Variants in PCDHGA2 observed in about 807,000 individuals in gnomAD.
PCDHGA2 encodes the protein protocadherin gamma-A2.
A neutral mutation model predicts 59.2 loss-of-function variants in PCDHGA2; 40 were observed. The ratio of observed to expected loss-of-function variants is 0.68; its 90% CI spans 0.52 to 0.88. PCDHGA2 has a LOEUF of 0.88. Among genes scored for constraint, PCDHGA2 ranks in the 40% least tolerant of loss-of-function variants. PCDHGA2 has a pLI of 0.00. For missense variants in PCDHGA2, 1,226 were observed against 1,204.0 expected (o/e 1.02, Z -0.27); for synonymous variants, 560 against 526.0 (o/e 1.06, Z -0.89).
At chr5:141,408,579 T>G in intron 1 of PCDHGA2, 1 of 1,614,026 alleles carries the variant, frequency 6.2e-7, no homozygotes, top group Non-Finnish European at 8.5e-7. Flanking sequence ...ATTGAGGATG[T>G]TAATGACCAC....
chr5:141,379,813 T>C (rs1775841720), intron 1 of PCDHGA2, among the ~76,000 whole-genome samples: 1 of 150,950 alleles, frequency 6.6e-6, no homozygotes, highest in South Asian at 2.1e-4. Flanking sequence ...GAGAGTTCAG[T>C]ATAGAATTTT....
chr5:141,356,098 G>A (rs762147149), intron 1 of PCDHGA2: 3 of 1,613,902 alleles, frequency 1.9e-6, no homozygotes, highest in Admixed American at 1.7e-5. Context: ...TCTGAGTGGG[G>A]ATATAACAAT....
chr5:141,432,707 G>T lies in PCDHGA2; in HGVS notation c.2425-62100G>T. The T allele has an allele frequency of 6.2e-7, 1 of 1,613,988 alleles. No homozygotes were observed. The highest frequency in any genetic ancestry group is 1.1e-5 in the South Asian group (1 of 91,080). ...CCTCGTAGTGGCCGTCCAGGACCAC[G>T]GCCAGCCCCCTCTCTCCGCCACTGT... On this transcript the variant is annotated intron_variant, in intron 1 of 3. Transcript: ENST00000394576. The surrounding 1 kb of genome is among the most constrained non-coding windows in gnomAD (Gnocchi z 6.0).
intron 1 of PCDHGA2, chr5:141,389,412 G>T (rs1039259671): frequency 5.6e-6 from 9 of 1,613,470 alleles, no homozygotes; most frequent in Non-Finnish European, 7.6e-6. Flanking sequence ...CGCGGAGAGC[G>T]GGGTGGTGTT....
chr5:141,408,972 C>T, intron 1 of PCDHGA2: 8 of 1,613,870 alleles, frequency 5.0e-6, no homozygotes, highest in Non-Finnish European at 5.9e-6. Flanking sequence ...AATCTGCCCC[C>T]TGGGTCCCCT....
intron 1 of PCDHGA2, chr5:141,395,737 A>T (rs2093305517): frequency 6.5e-6 from 1 of 152,906 alleles, no homozygotes; most frequent in Non-Finnish European, 1.5e-5. Flanking sequence ...TTCACTTTAA[A>T]CCTCTTTTCT....
chr5:141,372,007 G>T, intron 1 of PCDHGA2: 3 of 1,613,298 alleles, frequency 1.9e-6, no homozygotes, highest in Non-Finnish European at 2.5e-6. Flanking sequence ...CGCGACCAGG[G>T]CTCGCCTACG....
In PCDHGA2 at chr5:141,491,283, C is replaced by G; in HGVS notation, c.2425-3524C>G. ...AAATGCCCAAATCCAGTGACTTCCT[C>G]ATACACCCTCCTGAGCGTTCAGACC... On this transcript the variant is annotated intron_variant, in intron 1 of 3. Coordinates refer to ENST00000394576, the MANE Select transcript of PCDHGA2 (RefSeq NM_018915.4). The surrounding 1 kb of genome is among the most constrained non-coding windows in gnomAD (Gnocchi z 6.9). The G allele has an allele frequency of 1.2e-6, 2 of 1,614,164 alleles. No homozygotes were observed.
At chr5:141,474,658 A>G (rs950490550) in intron 1 of PCDHGA2, among the ~76,000 whole-genome samples, 13 of 152,176 alleles carry the variant, frequency 8.5e-5, no homozygotes, top group African/African-American at 3.1e-4. Flanking sequence ...CTTCTTTTCT[A>G]CCTACCTAAC....
chr5:141,394,136 C>G, intron 1 of PCDHGA2: 1 of 1,613,956 alleles, frequency 6.2e-7, no homozygotes, highest in Non-Finnish European at 8.5e-7. Flanking sequence ...TCGCTCTGCA[C>G]GTGGCAGACA....
intron 1 of PCDHGA2, chr5:141,355,719 C>T: frequency 1.2e-6 from 2 of 1,614,028 alleles, no homozygotes; most frequent in Non-Finnish European, 1.7e-6. Context: ...ACCAGCTCAA[C>T]TCAAACGGTT....
At chr5:141,481,718 C>T (rs942120251) in intron 1 of PCDHGA2, among the ~76,000 whole-genome samples, 6 of 152,082 alleles carry the variant, frequency 3.9e-5, no homozygotes, top group East Asian at 1.9e-4. Context: ...CTTTGGGAGG[C>T]GGAGGCGGGC....
At chr5:141,385,465 G>T in intron 1 of PCDHGA2, 1 of 1,441,910 alleles carries the variant, frequency 6.9e-7, no homozygotes, top group Non-Finnish European at 9.1e-7. Flanking sequence ...TCCTTCAGTG[G>T]TGACACTTTA....
chr5:141,476,665 C>T lies in PCDHGA2; in HGVS notation c.2425-18142C>T. On this transcript the variant is annotated intron_variant, in intron 1 of 3. Coordinates refer to ENST00000394576, the MANE Select transcript of PCDHGA2 (RefSeq NM_018915.4). This position sits in a 1 kb window ranked among gnomAD's most constrained non-coding sequence, Gnocchi z 7.6. ...GCCGAAATGAATACTTTGCGCTTCG[C>T]GTGCAGACGCGGGAGGACAGCACCA... 6.2e-7 allele frequency: 1 copy of T among 1,614,240 alleles called. No homozygotes were observed. Among genetic ancestry groups the T allele is most frequent in the East Asian group, 2.2e-5 (1 of 44,882 alleles).
At chr5:141,371,504 AAC>A (rs780003626) in intron 1 of PCDHGA2, 7 of 1,613,916 alleles carry the variant, frequency 4.3e-6, no homozygotes, top group Non-Finnish European at 5.9e-6. Context: ...CCCTGATCAA[AAC>A]ACATGATCTA....
chr5:141,442,697 G>C (rs1443734141), intron 1 of PCDHGA2, among the ~76,000 whole-genome samples: 2 of 152,258 alleles, frequency 1.3e-5, no homozygotes, highest in East Asian at 1.9e-4. Flanking sequence ...AGGCAGACAA[G>C]AGTATCAGAC....
chr5:141,497,740 C>G (rs954595046), intron 2 of PCDHGA2, among the ~76,000 whole-genome samples: 9 of 152,054 alleles, frequency 5.9e-5, no homozygotes, highest in African/African-American at 2.2e-4. Context: ...GGTTTCGCCA[C>G]GTTGGCCAGG....
chr5:141,375,129 T>C (rs749288394), intron 1 of PCDHGA2: 4 of 1,613,890 alleles, frequency 2.5e-6, no homozygotes, highest in Non-Finnish European at 2.5e-6. Context: ...GAAGTGGTTG[T>C]TACATCTGGA....
rs140779776 is a variant in PCDHGA2 at position 141,412,904 on chromosome 5, C to T, written c.2424+71509C>T. On this transcript the variant is annotated intron_variant, in intron 1 of 3. Transcript: ENST00000394576. ...CAACAGAATAGTTTACTTTCCATTG[C>T]ATGTATCACTTGGGTGCAGTAACTT... The T allele has an allele frequency of 4.0e-4, 150 of 378,712 alleles. 3 individuals carry two copies. In the East Asian group the frequency reaches 6.1e-3, roughly 15 times the overall value. 23.5% of individuals were successfully genotyped at this position (378,712 alleles called of 1,614,324 possible).
Sources: gnomAD v4.1 joint callset for allele counts (sites outside exome capture counted in the v4.1 genomes callset) on GRCh38, gnomAD v4.1.1 for gene constraint, Gnocchi (gnomAD v3.1) non-coding constraint, MANE v1.5 for transcripts, NCBI Gene and HGNC (gene_info 2026-07-23, HGNC 2026-07-21) for gene names.